RBFOX1: variants seen among roughly 807,000 people sequenced by gnomAD.
The protein encoded by RBFOX1 is RNA binding fox-1 homolog 1, also known as RNA binding protein fox-1 homolog 1.
RBFOX1 carries 8 observed loss-of-function variants against 57.7 expected under a neutral mutation model. The ratio of observed to expected loss-of-function variants is 0.14; its 90% CI spans 0.08 to 0.25. The LOEUF (loss-of-function observed/expected upper bound fraction) is 0.25, where lower values mean the gene tolerates loss of function less well. RBFOX1 is among the 10% of genes least tolerant of loss of function. The pLI is 1.00. For missense variants in RBFOX1, 611 were observed against 548.5 expected (o/e 1.11, Z -1.14); for synonymous variants, 326 against 222.4 (o/e 1.47, Z -4.15).
chr16:7,361,706 G>C (rs924114151), intron 4 of RBFOX1, among the ~76,000 whole-genome samples: 1 of 152,204 alleles, frequency 6.6e-6, no homozygotes, highest in East Asian at 1.9e-4. Context: ...ATGAGAATTC[G>C]AAGATGCTTG....
intron 3 of RBFOX1, among the ~76,000 whole-genome samples, chr16:6,896,092 G>T (rs966899535): frequency 2.6e-5 from 4 of 152,090 alleles, no homozygotes; most frequent in African/African-American, 9.7e-5. Flanking sequence ...GGCCAACATG[G>T]TGAAACCCCA....
At chr16:6,589,314 G>T (rs1468098358) in intron 2 of RBFOX1, among the ~76,000 whole-genome samples, 1 of 152,230 alleles carries the variant, frequency 6.6e-6, no homozygotes. Flanking sequence ...AATTCACCCA[G>T]AGCCAGCTGT....
chr16:6,456,004 A>C (rs1349882714), intron 2 of RBFOX1, among the ~76,000 whole-genome samples: 1 of 148,900 alleles, frequency 6.7e-6, no homozygotes, highest in East Asian at 2.0e-4. Context: ...GCTTATATCT[A>C]AGGATTCTGA....
chr16:6,449,256 A>G (rs924209506), intron 2 of RBFOX1, among the ~76,000 whole-genome samples: 3 of 152,232 alleles, frequency 2.0e-5, no homozygotes, highest in African/African-American at 7.2e-5. Context: ...TTATTCTGTC[A>G]TCGACTCATT....
At chr16:6,193,394 A>ACATTATATATATATAC (rs1370343629) in intron 1 of RBFOX1, among the ~76,000 whole-genome samples, 178 of 24,500 alleles carry the variant, frequency 7.3e-3, no homozygotes, top group East Asian at 0.016. Flanking sequence ...TATATATACT[A>ACATTATATATATATAC]TATATATATA....
intron 13 of RBFOX1, among the ~76,000 whole-genome samples, chr16:7,665,211 C>A (rs1334854595): frequency 6.6e-6 from 1 of 152,052 alleles, no homozygotes; most frequent in Non-Finnish European, 1.5e-5. Context: ...TGCAATTCCC[C>A]CAAAAAGGTG....
intron 4 of RBFOX1, among the ~76,000 whole-genome samples, chr16:7,142,500 T>C (rs2074038206): frequency 6.6e-6 from 1 of 152,174 alleles, no homozygotes; most frequent in African/African-American, 2.4e-5. Flanking sequence ...GTCCTACCCC[T>C]GAGTGTTTGT....
At chr16:5,963,830 C>G (rs541116807) in intron 4 of RBFOX1, among the ~76,000 whole-genome samples, 2 of 152,150 alleles carry the variant, frequency 1.3e-5, no homozygotes, top group African/African-American at 2.4e-5. Flanking sequence ...GAGAAAGTGC[C>G]TTGACATTGG....
At chr16:6,683,975 C>T (rs183907689) in intron 3 of RBFOX1, among the ~76,000 whole-genome samples, 31 of 152,300 alleles carry the variant, frequency 2.0e-4, no homozygotes, top group Non-Finnish European at 7.3e-5. Flanking sequence ...TTCTTTTCTC[C>T]ATGTTACCCC....
chr16:6,119,054 G>C (rs759443862), intron 1 of RBFOX1, among the ~76,000 whole-genome samples: 15 of 140,352 alleles, frequency 1.1e-4, no homozygotes, highest in Admixed American at 2.2e-4. Context: ...TGATACGTTT[G>C]ATCTTGCTTG....
At chr16:6,764,653 T>C (rs1331379754) in intron 3 of RBFOX1, among the ~76,000 whole-genome samples, 1 of 152,132 alleles carries the variant, frequency 6.6e-6, no homozygotes, top group African/African-American at 2.4e-5. Context: ...AGTAAATGCA[T>C]GGGCTGGGTG....
At chr16:7,704,384 TAAAAAGTGTACACTA>T (rs1202292342) in intron 14 of RBFOX1, among the ~76,000 whole-genome samples, 1 of 152,200 alleles carries the variant, frequency 6.6e-6, no homozygotes, top group East Asian at 1.9e-4. Context: ...AGAAATGATG[TAAAAAGTGTACACTA>T]TTTCTAGAGT....
intron 1 of RBFOX1, among the ~76,000 whole-genome samples, chr16:6,140,046 T>C (rs1192945442): frequency 7.0e-6 from 1 of 143,344 alleles, no homozygotes; most frequent in Non-Finnish European, 1.5e-5. Context: ...TCTCCCCACG[T>C]TTTCCCTTTG....
intron 3 of RBFOX1, among the ~76,000 whole-genome samples, chr16:6,783,073 A>G (rs1318868052): frequency 6.6e-6 from 1 of 151,194 alleles, no homozygotes; most frequent in Non-Finnish European, 1.5e-5. Flanking sequence ...TTTGGTTTTC[A>G]TTTGCATGGC....
chr16:7,051,950 A>C (rs74186980), intron 3 of RBFOX1, 107 bp from the exon 4 acceptor site: 54,008 of 1,471,658 alleles, frequency 0.037, 2,492 homozygotes, highest in East Asian at 0.22. Flanking sequence ...TTAATTAATT[A>C]TGGGTTTTCT....
At chr16:6,028,866 G>A (rs1024137050) in intron 1 of RBFOX1, among the ~76,000 whole-genome samples, 3 of 152,154 alleles carry the variant, frequency 2.0e-5, no homozygotes, top group East Asian at 1.9e-4. Flanking sequence ...TTCCCTGAGC[G>A]CCAAGGTGCG....
In RBFOX1 at chr16:5,454,958, C is replaced by CCTTTCTTTCTTTCTTT. The variant is rs1169954657; in HGVS notation, c.220-12207_220-12192dup. Among the ~76,000 whole-genome samples the CCTTTCTTTCTTTCTTT allele has an allele frequency of 7.2e-3, 220 of 30,410 alleles. 7 individuals are homozygous for CCTTTCTTTCTTTCTTT. The highest frequency in any genetic ancestry group is 0.027 in the Middle Eastern group (2 of 74). The allele number at this position is 30,410 out of a possible 152,430, so 20.0% of individuals were successfully genotyped here. On this transcript the variant is annotated intron_variant, in intron 1 of 2. Coordinates refer to the RBFOX1 transcript ENST00000585867. Reference sequence around the variant, plus strand: ...TCCTTCCTTCCTTCCTTCCTTCCTTCCTTTCTTTCTTTCTTTCTTTCTTTC... The same window carrying CCTTTCTTTCTTTCTTT: ...TCCTTCCTTCCTTCCTTCCTTCCTTCCTTTCTTTCTTTCTTTCTTTCTTTCTTTCTTTCTTTCTTTC...
chr16:6,941,392 G>A, intron 3 of RBFOX1, among the ~76,000 whole-genome samples: 1 of 148,040 alleles, frequency 6.8e-6, no homozygotes, highest in Non-Finnish European at 1.5e-5. Flanking sequence ...TAGCCGTGTG[G>A]AAACTCAGTT....
intron 2 of RBFOX1, among the ~76,000 whole-genome samples, chr16:5,548,170 A>ATATATATATATATATATATATAT (rs1317008346): frequency 4.9e-5 from 2 of 40,688 alleles, no homozygotes; most frequent in Non-Finnish European, 1.1e-4. Flanking sequence ...AAAAAAAAAA[A>ATATATATATATATATATATATAT]AAAAATATAT....
Sources: gnomAD v4.1 joint callset for allele counts (sites outside exome capture counted in the v4.1 genomes callset) on GRCh38, gnomAD v4.1.1 for gene constraint, MANE v1.5 for transcripts, NCBI Gene and HGNC (gene_info 2026-07-23, HGNC 2026-07-21) for gene names.